STRADB: variants seen among roughly 807,000 people sequenced by gnomAD.
STRADB encodes STE20-related kinase adapter protein beta.
A neutral mutation model predicts 52.1 loss-of-function variants in STRADB; 34 were observed. That is an observed-to-expected ratio of 0.65 (90% confidence interval 0.50 to 0.87). The LOEUF is 0.87. Ranked by LOEUF, STRADB falls within the 40% of genes least tolerant of loss-of-function variation. STRADB has a pLI of 0.00. For synonymous variants in STRADB, 133 were observed against 174.5 expected, an observed-to-expected ratio of 0.76 and a Z score of 1.87; for missense variants, 340 against 483.9, an observed-to-expected ratio of 0.70 and a Z score of 2.79.
chr2:201,461,668 C>A (rs1952218786), intron 3 of STRADB, among the ~76,000 whole-genome samples: 1 of 152,052 alleles, frequency 6.6e-6, no homozygotes, highest in Admixed American at 6.6e-5. Context: ...TTTTGCTGTG[C>A]AGAAGCTTTT....
At chr2:201,473,829 G>A (rs897192303) in intron 5 of STRADB, among the ~76,000 whole-genome samples, 5 of 149,664 alleles carry the variant, frequency 3.3e-5, no homozygotes, top group Non-Finnish European at 5.9e-5. Context: ...CATTTTTATC[G>A]TCACTAATCA....
At chr2:201,462,261 T>C (rs1172778409) in intron 3 of STRADB, among the ~76,000 whole-genome samples, 1 of 152,248 alleles carries the variant, frequency 6.6e-6, no homozygotes, top group Admixed American at 6.5e-5. Flanking sequence ...TGGAATATTT[T>C]TCTTCCACTA....
chr2:201,470,225 C>G (rs1329802883), intron 4 of STRADB, among the ~76,000 whole-genome samples, 173 bp downstream of exon 4: 3 of 152,170 alleles, frequency 2.0e-5, no homozygotes, highest in Admixed American at 1.3e-4. Context: ...AATAATGACT[C>G]AGATTTTTTC....
intron 2 of STRADB, among the ~76,000 whole-genome samples, chr2:201,456,591 CG>C (rs1952131555): frequency 6.6e-6 from 1 of 151,892 alleles, no homozygotes; most frequent in East Asian, 1.9e-4. Flanking sequence ...TTTCCTTAAA[CG>C]AGAAATTTGT....
At chr2:201,458,762 A>G (rs751476679) in intron 2 of STRADB, 22 bp from the exon 3 acceptor site, 22 of 1,609,426 alleles carry the variant, frequency 1.4e-5, no homozygotes, top group Non-Finnish European at 1.9e-5. Flanking sequence ...TTTCACTTAT[A>G]TAATGCATTT....
chr2:201,470,703 T>C (rs1029096483), intron 4 of STRADB, among the ~76,000 whole-genome samples: 3 of 152,134 alleles, frequency 2.0e-5, no homozygotes, highest in Non-Finnish European at 4.4e-5. Flanking sequence ...CTAAGTGTTA[T>C]GGGAACAGAG....
intron 3 of STRADB, among the ~76,000 whole-genome samples, chr2:201,460,250 T>A (rs1261184823): frequency 6.6e-6 from 1 of 152,084 alleles, no homozygotes. Context: ...TAAAAAAAAA[T>A]TTGGAGTACA....
intron 1 of STRADB, 27 bp from the exon 2 acceptor site, chr2:201,454,719 A>G: frequency 1.0e-6 from 1 of 954,108 alleles, no homozygotes. Context: ...ATGTGAATCT[A>G]AATTATTTTG....
At chr2:201,453,010 G>A (rs1484103907) in intron 1 of STRADB, among the ~76,000 whole-genome samples, 2 of 152,012 alleles carry the variant, frequency 1.3e-5, no homozygotes, top group Non-Finnish European at 2.9e-5. Flanking sequence ...GAGCATGCCG[G>A]AGAAAATTAT....
chr2:201,465,367 C>T (rs1952284820), intron 3 of STRADB, among the ~76,000 whole-genome samples: 1 of 152,090 alleles, frequency 6.6e-6, no homozygotes, highest in South Asian at 2.1e-4. Flanking sequence ...CCCTTCTGGC[C>T]CAGGGTGTGT....
chr2:201,479,949 A>ATTCT lies in STRADB; in HGVS notation c.1114-80_1114-77dup, dbSNP rs1203331736. 3.9e-6 allele frequency: 6 copies of ATTCT among 1,519,880 alleles called. No homozygotes were observed. In the African/African-American group the frequency reaches 8.3e-5, roughly 21 times the overall value. 94.1% of individuals were successfully genotyped at this position (1,519,880 alleles called of 1,614,324 possible). ...ACAATTTTAAACACATTTAACATAA[A>ATTCT]TTCTTTAAAAGTTATTTATTGCTAA... On this transcript the variant is annotated intron_variant, in intron 11 of 11. Coordinates refer to ENST00000194530, the MANE Select transcript of STRADB (RefSeq NM_018571.6).
intron 3 of STRADB, among the ~76,000 whole-genome samples, chr2:201,465,671 A>AT (rs1952289793): frequency 6.6e-6 from 1 of 152,192 alleles, no homozygotes; most frequent in Non-Finnish European, 1.5e-5. Context: ...AGCACCAGGA[A>AT]TTGCCCTGGA....
intron 3 of STRADB, among the ~76,000 whole-genome samples, chr2:201,467,823 C>G (rs1952326288): frequency 6.6e-6 from 1 of 152,140 alleles, no homozygotes; most frequent in Admixed American, 6.5e-5. Context: ...CAGTGAAACT[C>G]TTGTCTCTTC....
chr2:201,480,121 G>A lies in STRADB; in HGVS notation c.1203G>A (p.Trp401Ter), dbSNP rs188484503. The A allele has an allele frequency of 6.2e-7, 1 of 1,613,632 alleles. No homozygotes were observed. Among genetic ancestry groups the A allele is most frequent in the African/African-American group, 1.3e-5 (1 of 74,868 alleles). ...TATCATTGCCTCCAGTGTTACCTTG[G>A]ACTGAGCCAGAATGTGATTTTCCTG... ...PSISLPPVLP[W>*]TEPECDFPDE... is the part of the protein sequence containing the mutation. Residue 401 changes from tryptophan to a stop codon, truncating the protein, a stop_gained, in exon 12 of 12, where the codon TGG (tryptophan) becomes TGA (stop). Transcript: ENST00000194530. LOFTEE classifies it high-confidence loss of function.
chr2:201,458,490 A>G (rs911316163), intron 2 of STRADB, among the ~76,000 whole-genome samples: 6 of 152,252 alleles, frequency 3.9e-5, no homozygotes, highest in Non-Finnish European at 8.8e-5. Context: ...TTAAAAATTA[A>G]CACCAACAGT....
At chr2:201,466,255 G>C (rs1952303469) in intron 3 of STRADB, among the ~76,000 whole-genome samples, 1 of 152,182 alleles carries the variant, frequency 6.6e-6, no homozygotes, top group African/African-American at 2.4e-5. Flanking sequence ...GAGAGGCCTA[G>C]AACTAAGCAA....
chr2:201,478,270 T>G, intron 9 of STRADB, 79 bp downstream of exon 9: 1 of 1,591,530 alleles, frequency 6.3e-7, no homozygotes, highest in Non-Finnish European at 8.6e-7. Context: ...TTAAACATGT[T>G]TGCTATAGAC....
At position 201,480,288 on chromosome 2, in the gene STRADB, C is replaced by G. The variant is rs1272423521; in HGVS notation, c.*113C>G. The G allele has an allele frequency of 2.0e-6, 3 of 1,532,672 alleles. No individual in the cohort carries two copies. In the African/African-American group the frequency reaches 4.2e-5, roughly 21 times the overall value. 94.9% of individuals were successfully genotyped at this position (1,532,672 alleles called of 1,614,324 possible). The stretch of plus-strand genomic sequence containing the variant: ...TATACTTGAAAATACAGTTGGTGCA[C>G]TGGAGAATCTATTATTTAAAACCAC... On this transcript the variant is annotated 3_prime_UTR_variant, in exon 12 of 12. Transcript: ENST00000194530.
At chr2:201,478,014 A>G (rs10460403) in intron 8 of STRADB, 73 bp from the exon 9 acceptor site, 858,646 of 1,360,104 alleles carry the variant, frequency 0.63, 275,344 homozygotes, top group Non-Finnish European at 0.66. Context: ...ATTCTTTATC[A>G]AAAAAGCACA....
Sources: allele counts gnomAD v4.1 joint callset (sites outside exome capture counted in the v4.1 genomes callset), GRCh38; gene constraint gnomAD v4.1.1; transcripts MANE v1.5; gene names NCBI Gene and HGNC (gene_info 2026-07-23, HGNC 2026-07-21).